The following GABRG3 variants were observed in gnomAD, a reference collection of about 807,000 sequenced individuals.
GABRG3 encodes gamma-aminobutyric acid receptor subunit gamma-3.
In GABRG3, 25 loss-of-function variants were observed where a neutral mutation model predicts 48.8. The ratio of observed to expected loss-of-function variants is 0.51; its 90% CI spans 0.37 to 0.72. The LOEUF is 0.72. GABRG3 is among the 30% of genes least tolerant of loss of function. The probability of loss-of-function intolerance (pLI) is 0.00; values close to 1 mark genes in which losing one functional copy is unlikely to be tolerated. For missense variants in GABRG3, 394 were observed against 577.9 expected (o/e 0.68, Z 3.26); for synonymous variants, 227 against 217.6 (o/e 1.04, Z -0.38).
At chr15:27,162,273 G>T (rs534892132) in intron 3 of GABRG3, among the ~76,000 whole-genome samples, 41 of 152,282 alleles carry the variant, frequency 2.7e-4, no homozygotes, top group African/African-American at 9.4e-4. Context: ...TAGGGATCAC[G>T]CTGAGTGTAG....
Position 27,104,332 on chromosome 15 carries a change from T to C in GABRG3, c.270+77511T>C, listed in dbSNP as rs1452500623. On this transcript the variant is annotated intron_variant, in intron 3 of 9. Transcript: ENST00000615808. ...GTTAAATCGACCAAGTGCTGTTGCCTTCCAGAGGCGTGGCATGAGTCAGTC... is the reference window on the plus strand; with the variant it reads ...GTTAAATCGACCAAGTGCTGTTGCCCTCCAGAGGCGTGGCATGAGTCAGTC... Among the ~76,000 whole-genome samples, 5 of 152,256 alleles carry C rather than the reference T, an allele frequency of 3.3e-5. No individual in the cohort carries two copies. In the East Asian group the frequency reaches 9.6e-4, roughly 29 times the overall value.
chr15:27,261,854 A>T (rs1160186388), intron 3 of GABRG3, among the ~76,000 whole-genome samples: 2 of 152,174 alleles, frequency 1.3e-5, no homozygotes, highest in Non-Finnish European at 2.9e-5. Context: ...CTATATTTAT[A>T]TCTGAGAGTT....
chr15:27,003,704 T>C (rs1895507071), intron 2 of GABRG3, among the ~76,000 whole-genome samples: 1 of 152,118 alleles, frequency 6.6e-6, no homozygotes, highest in Non-Finnish European at 1.5e-5. Context: ...AAACCGCCAT[T>C]GTCATCATGG....
At chr15:27,151,358 T>A (rs1465187462) in intron 3 of GABRG3, among the ~76,000 whole-genome samples, 1 of 32,682 alleles carries the variant, frequency 3.1e-5, no homozygotes, top group Non-Finnish European at 5.9e-5. Flanking sequence ...TTTGGGACTG[T>A]TTTTTTTTTT....
At chr15:27,191,241 A>C (rs975119338) in intron 3 of GABRG3, among the ~76,000 whole-genome samples, 3 of 152,060 alleles carry the variant, frequency 2.0e-5, no homozygotes, top group East Asian at 1.9e-4. Context: ...CTATTAGGTC[A>C]GCTTGGTGCA....
chr15:27,246,011 A>G (rs377370153), intron 3 of GABRG3, among the ~76,000 whole-genome samples: 5 of 152,136 alleles, frequency 3.3e-5, no homozygotes, highest in South Asian at 2.1e-4. Flanking sequence ...TCATGGCAAG[A>G]AAGGGAGCAA....
intron 6 of GABRG3, among the ~76,000 whole-genome samples, chr15:27,488,418 C>G (rs925098621): frequency 1.3e-5 from 2 of 152,144 alleles, no homozygotes; most frequent in Non-Finnish European, 2.9e-5. Flanking sequence ...AAATTCCAGG[C>G]CTGCACTCAT....
In GABRG3 at chr15:27,447,892, C is replaced by T. The variant is rs151219844; in HGVS notation, c.575-32758C>T. 0.022 allele frequency among the ~76,000 whole-genome samples: 3,338 copies of T among 152,150 alleles called. 58 individuals carry two copies. The highest frequency in any genetic ancestry group is 0.034 in the Non-Finnish European group (2,341 of 68,004). On this transcript the variant is annotated intron_variant, in intron 5 of 9. Transcript: ENST00000615808. This position sits in a 1 kb window ranked among gnomAD's most constrained non-coding sequence, Gnocchi z 4.0. ...GGGAGAGATAGCATTAGGAAAAATA[C>T]CTAATGTAGATGACAGGTTGATGGG...
intron 3 of GABRG3, among the ~76,000 whole-genome samples, chr15:27,040,595 C>T (rs1896258940): frequency 1.3e-5 from 2 of 152,222 alleles, no homozygotes; most frequent in African/African-American, 4.8e-5. Flanking sequence ...TGCAATCACT[C>T]ACCTTTTGTT....
At chr15:27,265,309 A>G (rs1595623106) in intron 3 of GABRG3, among the ~76,000 whole-genome samples, 1 of 152,208 alleles carries the variant, frequency 6.6e-6, no homozygotes, top group African/African-American at 2.4e-5. Flanking sequence ...AAACGCAAAA[A>G]CAAGTCATAT....
At chr15:27,331,887 A>C (rs185458550) in intron 5 of GABRG3, among the ~76,000 whole-genome samples, 300 of 152,314 alleles carry the variant, frequency 2.0e-3, no homozygotes, top group Non-Finnish European at 3.0e-3. Flanking sequence ...ATTGGAGGTA[A>C]AGAAATCAAT....
At chr15:27,221,698 C>G (rs983385666) in intron 3 of GABRG3, among the ~76,000 whole-genome samples, 4 of 152,140 alleles carry the variant, frequency 2.6e-5, no homozygotes, top group Admixed American at 2.6e-4. Context: ...TCTAGAATGT[C>G]TAAATGGCCC....
rs187260090 is a variant in GABRG3 at position 27,507,792 on chromosome 15, G to C, written c.713-12180G>C. On this transcript the variant is annotated intron_variant, in intron 6 of 9. Coordinates refer to ENST00000615808, the MANE Select transcript of GABRG3 (RefSeq NM_033223.5). ...CAACTATATTTATTTCTTTGTGTCT[G>C]TCTCTTCTTTCAGATCTGTCAGTTT... Among the ~76,000 whole-genome samples, 121 of 152,156 alleles carry C rather than the reference G, an allele frequency of 8.0e-4. 1 individual carries two copies. The highest frequency in any genetic ancestry group is 2.8e-3 in the African/African-American group (118 of 41,518).
Position 27,437,706 on chromosome 15 carries a change from G to A in GABRG3, c.575-42944G>A, listed in dbSNP as rs547791238. On this transcript the variant is annotated intron_variant, in intron 5 of 9. Coordinates refer to ENST00000615808, the MANE Select transcript of GABRG3 (RefSeq NM_033223.5). The stretch of plus-strand genomic sequence containing the variant: ...CCTATGTAGGTGTTTTCATCCATTC[G>A]TGTTGCTGTAAGAGAATACCTAAGG... 1.1e-3 allele frequency among the ~76,000 whole-genome samples: 175 copies of A among 152,322 alleles called. 4 individuals are homozygous for A. The South Asian group carries it at 0.028, about 25-fold the overall frequency.
At chr15:27,322,766 ACT>A (rs1893475758) in intron 3 of GABRG3, among the ~76,000 whole-genome samples, 1 of 152,070 alleles carries the variant, frequency 6.6e-6, no homozygotes, top group Admixed American at 6.6e-5. Context: ...TAACACCCAG[ACT>A]CTGCTGCTGA....
intron 3 of GABRG3, among the ~76,000 whole-genome samples, chr15:27,247,265 G>A (rs536849708): frequency 3.8e-4 from 58 of 152,058 alleles, no homozygotes; most frequent in Admixed American, 6.5e-4. Context: ...CCCCCTCATA[G>A]AGACTCTTCT....
At chr15:27,219,354 A>G (rs1017129333) in intron 3 of GABRG3, among the ~76,000 whole-genome samples, 3 of 152,196 alleles carry the variant, frequency 2.0e-5, no homozygotes, top group Non-Finnish European at 4.4e-5. Context: ...TTTGGGCTCA[A>G]TCCCTCCCTT....
rs573816682 is a variant in GABRG3 at position 27,276,229 on chromosome 15, C to G, written c.271-50580C>G. 1.6e-4 allele frequency among the ~76,000 whole-genome samples: 25 copies of G among 152,292 alleles called. 1 individual carries two copies. The highest frequency in any genetic ancestry group is 6.8e-3 in the Middle Eastern group (2 of 294). ...GAAGCTGGCACAGGCTAACAAAAAG[C>G]CAGGCATTCTTTGTGATGGATTTGG... is the stretch of plus-strand genomic sequence containing the variant. On this transcript the variant is annotated intron_variant, in intron 3 of 9. Coordinates refer to ENST00000615808, the MANE Select transcript of GABRG3 (RefSeq NM_033223.5).
chr15:27,450,339 A>G (rs1275501391), intron 5 of GABRG3, among the ~76,000 whole-genome samples: 1 of 152,162 alleles, frequency 6.6e-6, no homozygotes, highest in Non-Finnish European at 1.5e-5. Context: ...AATGAATTTC[A>G]CAGCACCTTA....
Sources: allele counts gnomAD v4.1 joint callset (sites outside exome capture counted in the v4.1 genomes callset), GRCh38; gene constraint gnomAD v4.1.1; non-coding constraint Gnocchi (gnomAD v3.1); transcripts MANE v1.5; gene names NCBI Gene and HGNC (gene_info 2026-07-23, HGNC 2026-07-21).